The following DST variants were observed in gnomAD, a reference collection of about 807,000 sequenced individuals.
DST encodes the protein dystonin.
A neutral mutation model predicts 875.2 loss-of-function variants in DST; 253 were observed. The observed-to-expected ratio is 0.29, with a 90% CI of 0.26 to 0.32. The LOEUF is 0.32. Among genes scored for constraint, DST ranks in the 10% least tolerant of loss-of-function variants. The pLI, the probability that DST is intolerant of heterozygous loss-of-function variation, is 1.00. For missense variants in DST, 8,287 were observed against 9,111.6 expected (o/e 0.91, Z 3.68); for synonymous variants, 3,124 against 3,197.1 (o/e 0.98, Z 0.77).
chr6:56,872,832 C>CCCCCCCTT (rs5876523), intron 3 of DST, among the ~76,000 whole-genome samples: 1 of 127,860 alleles, frequency 7.8e-6, no homozygotes, highest in Non-Finnish European at 1.6e-5. Context: ...TCCCCCCCCC[C>CCCCCCCTT]TTTTTTTTTT....
At chr6:56,603,804 C>T in intron 40 of DST, 33 bp downstream of exon 40, 1 of 1,590,922 alleles carries the variant, frequency 6.3e-7, no homozygotes, top group Non-Finnish European at 8.6e-7. Context: ...GTTCATGCAG[C>T]TTTTTCTGTA....
intron 94 of DST, among the ~76,000 whole-genome samples, chr6:56,471,564 C>T (rs1188373791): frequency 6.6e-6 from 1 of 152,170 alleles, no homozygotes; most frequent in African/African-American, 2.4e-5. Context: ...GTCATGCTCA[C>T]TGGGATAGCA....
At chr6:56,486,362 CAA>C (rs61164880) in intron 87 of DST, among the ~76,000 whole-genome samples, 572 of 33,886 alleles carry the variant, frequency 0.017, 2 homozygotes, top group African/African-American at 0.058. Flanking sequence ...GACTCCGTCT[CAA>C]AAAAAAAAAA....
intron 5 of DST, among the ~76,000 whole-genome samples, chr6:56,734,098 A>G (rs2152928437): frequency 6.6e-6 from 1 of 152,366 alleles, no homozygotes; most frequent in East Asian, 1.9e-4. Context: ...ATGAAAGAAA[A>G]GCTTGAGAGA....
In DST at chr6:56,612,113, T is replaced by C. The variant is rs1294311108; in HGVS notation, c.5059-517A>G. On this transcript the variant is annotated intron_variant, in intron 37 of 103. Transcript: ENST00000680361. ...AGCTGAGAGCAGTGGCTCATGCCTG[T>C]AATCCCAGCACTTTGGGAGGCCAAA... Among the ~76,000 whole-genome samples the C allele has an allele frequency of 2.0e-5, 3 of 152,252 alleles. No homozygotes were observed. In the East Asian group the frequency reaches 5.8e-4, roughly 29 times the overall value.
rs559973689 is a variant in DST at position 56,470,995 on chromosome 6, C to CTTT, written c.22321+110_22321+111insAAA. The CTTT allele has an allele frequency of 3.6e-5, 43 of 1,208,430 alleles. No individual in the cohort carries two copies. In the African/African-American group the frequency reaches 6.5e-4, roughly 18 times the overall value. 74.9% of individuals were successfully genotyped at this position (1,208,430 alleles called of 1,614,324 possible). A position where few individuals can be genotyped will look rare whatever the true frequency, so the allele number is the denominator to read the frequency against. ...TTAAGGGTCGTGACTTCCTAGGCAA[C>CTTT]TTATAAGACAATGCTTTATTGTAAC... On this transcript the variant is annotated intron_variant, in intron 95 of 103. Transcript: ENST00000680361.
At chr6:56,852,283 CA>C (rs1765652914) in intron 3 of DST, among the ~76,000 whole-genome samples, 1 of 152,170 alleles carries the variant, frequency 6.6e-6, no homozygotes. Context: ...ATGGCAGCAC[CA>C]ATAAACAAAC....
chr6:56,921,753 G>A (rs1294695799), intron 2 of DST, among the ~76,000 whole-genome samples: 1 of 151,392 alleles, frequency 6.6e-6, no homozygotes, highest in African/African-American at 2.4e-5. Context: ...TATTTCACTG[G>A]TGGGGGTGCA....
chr6:56,814,594 C>T lies in DST; in HGVS notation c.625+36803G>A, dbSNP rs138138640. 7.8e-4 allele frequency among the ~76,000 whole-genome samples: 119 copies of T among 152,280 alleles called. 1 individual carries two copies. The highest frequency in any genetic ancestry group is 2.6e-3 in the African/African-American group (108 of 41,550). Reference sequence around the variant, plus strand: ...CTGTTCACAATGCAGCAGTTTCCTTCAACAGCATTTGTCACAGCAAGTTAC... The same window carrying T: ...CTGTTCACAATGCAGCAGTTTCCTTTAACAGCATTTGTCACAGCAAGTTAC... On this transcript the variant is annotated intron_variant, in intron 4 of 103. Transcript: ENST00000680361.
At chr6:56,762,112 C>T (rs560107778) in intron 4 of DST, among the ~76,000 whole-genome samples, 74 of 152,252 alleles carry the variant, frequency 4.9e-4, no homozygotes, top group South Asian at 8.3e-4. Context: ...CCTCCACCTC[C>T]CGGGCTCAAG....
chr6:56,916,778 T>TCTCTCTCTCTCTCACA (rs1470233953), intron 2 of DST, among the ~76,000 whole-genome samples: 14 of 91,348 alleles, frequency 1.5e-4, no homozygotes, highest in African/African-American at 7.2e-4. Context: ...TCTCTCTCTC[T>TCTCTCTCTCTCTCACA]CACACACACA....
intron 3 of DST, among the ~76,000 whole-genome samples, chr6:56,869,319 A>G (rs1489104395): frequency 6.6e-6 from 1 of 152,360 alleles, no homozygotes; most frequent in East Asian, 1.9e-4. Flanking sequence ...AAAAATTCTT[A>G]GAGGCTAGAG....
chr6:56,616,649 A>C (rs1355489855), intron 36 of DST: 2 of 1,614,080 alleles, frequency 1.2e-6, no homozygotes, highest in Non-Finnish European at 1.7e-6. Flanking sequence ...ATTATTCAAC[A>C]ACCCCTGCTG....
At chr6:56,598,306 A>G (rs190839388) in intron 46 of DST, among the ~76,000 whole-genome samples, 170 bp downstream of exon 46, 7 of 152,272 alleles carry the variant, frequency 4.6e-5, no homozygotes, top group Non-Finnish European at 8.8e-5. Flanking sequence ...AGCAAAGCCA[A>G]CTCTTCAAAC....
intron 92 of DST, among the ~76,000 whole-genome samples, chr6:56,474,767 T>C (rs1238160126): frequency 6.6e-6 from 1 of 151,814 alleles, no homozygotes; most frequent in East Asian, 1.9e-4. Flanking sequence ...AAGATGGCTT[T>C]GATTAGGCAA....
At chr6:56,643,905 T>G (rs895030978) in intron 15 of DST, among the ~76,000 whole-genome samples, 4 of 152,214 alleles carry the variant, frequency 2.6e-5, no homozygotes, top group African/African-American at 9.7e-5. Flanking sequence ...TGCAAGAAAT[T>G]AATCATTTTA....
intron 47 of DST, 25 bp downstream of exon 47, chr6:56,597,715 A>G: frequency 6.3e-7 from 1 of 1,595,092 alleles, no homozygotes; most frequent in Non-Finnish European, 8.6e-7. Context: ...GAATTGAACG[A>G]TATCATATGT....
Position 56,717,115 on chromosome 6 carries a change from A to G in DST, c.688-12746T>C, listed in dbSNP as rs537200288. 3.9e-5 allele frequency among the ~76,000 whole-genome samples: 6 copies of G among 152,214 alleles called. No homozygotes were observed. The South Asian group carries it at 8.3e-4, about 21-fold the overall frequency. ...GAAGAATGGCGTGAACCCGGTAGGC[A>G]GAGCTTGCAGTGAGCCGAGATCGTG... is the stretch of plus-strand genomic sequence containing the variant. On this transcript the variant is annotated intron_variant, in intron 5 of 103. Transcript: ENST00000680361.
At chr6:56,672,672 G>A (rs780931412) in intron 9 of DST, among the ~76,000 whole-genome samples, 9 of 151,998 alleles carry the variant, frequency 5.9e-5, no homozygotes, top group Admixed American at 1.3e-4. Context: ...TCCCTTACTT[G>A]TAAAATGATG....
Sources: allele counts gnomAD v4.1 joint callset (sites outside exome capture counted in the v4.1 genomes callset), GRCh38; gene constraint gnomAD v4.1.1; transcripts MANE v1.5; gene names NCBI Gene and HGNC (gene_info 2026-07-23, HGNC 2026-07-21).